VLDLR: variants seen among roughly 807,000 people sequenced by gnomAD.
VLDLR encodes the protein very low density lipoprotein receptor, also known as very low-density lipoprotein receptor.
Under a neutral mutation model 112.7 loss-of-function variants are expected in VLDLR, and 81 were observed. The observed-to-expected ratio is 0.72, with a 90% confidence interval of 0.60 to 0.86. The LOEUF is 0.86. Ranked by LOEUF, VLDLR falls within the 40% of genes least tolerant of loss-of-function variation. VLDLR has a pLI of 0.00. For synonymous variants in VLDLR, 436 were observed against 384.8 expected, an observed-to-expected ratio of 1.13 and a Z score of -1.56; for missense variants, 1,237 against 1,099.4, an observed-to-expected ratio of 1.13 and a Z score of -1.77.
At chr9:2,630,600 T>C (rs771825340) in intron 1 of VLDLR, among the ~76,000 whole-genome samples, 12 of 152,164 alleles carry the variant, frequency 7.9e-5, no homozygotes, top group Non-Finnish European at 1.3e-4. Context: ...ATAGGGAGAT[T>C]TGTAGTCCGT....
At chr9:2,644,325 A>ATT (rs374242751) in intron 7 of VLDLR, among the ~76,000 whole-genome samples, 4,739 of 122,934 alleles carry the variant, frequency 0.039, 155 homozygotes, top group East Asian at 0.075. Flanking sequence ...CGCCCGGCTA[A>ATT]TTTTTTTTTT....
At chr9:2,648,633 C>T (rs1481433747) in intron 13 of VLDLR, 36 bp from the exon 14 acceptor site, 1 of 1,614,122 alleles carries the variant, frequency 6.2e-7, no homozygotes, top group Non-Finnish European at 8.5e-7. Flanking sequence ...TGTGTTAATC[C>T]TGGATGTACA....
intron 17 of VLDLR, 107 bp downstream of exon 17, chr9:2,652,061 C>A: frequency 1.0e-6 from 1 of 986,776 alleles, no homozygotes; most frequent in Non-Finnish European, 1.6e-6. Flanking sequence ...TGCTGTCTAG[C>A]ATTTATGACA....
At position 2,622,282 on chromosome 9, in the gene VLDLR, A is replaced by C; in HGVS notation, c.82+11A>C. On this transcript the variant is annotated intron_variant, in intron 1 of 18. Transcript: ENST00000382100. Reference sequence around the variant, plus strand: ...GCGCCACCGGAACCGGTGAGTGAGGACGCGCCCCTCCGCCGGCGGGCGGGA... The same window carrying C: ...GCGCCACCGGAACCGGTGAGTGAGGCCGCGCCCCTCCGCCGGCGGGCGGGA... The C allele has an allele frequency of 6.8e-7, 1 of 1,466,272 alleles. No individual in the cohort carries two copies. 90.8% of individuals were successfully genotyped at this position (1,466,272 alleles called of 1,614,324 possible).
At chr9:2,626,703 G>T (rs33955077) in intron 1 of VLDLR, among the ~76,000 whole-genome samples, 28,884 of 152,148 alleles carry the variant, frequency 0.19, 3,262 homozygotes, top group Middle Eastern at 0.27. Flanking sequence ...GCCATCTGGG[G>T]AGCCTTTATG....
Position 2,643,318 on chromosome 9 carries a change from T to A in VLDLR, c.607T>A (p.Ser203Thr). 6.2e-7 allele frequency: 1 copy of A among 1,613,862 alleles called. No individual in the cohort carries two copies. The highest frequency in any genetic ancestry group is 1.6e-4 in the Middle Eastern group (1 of 6,062). The change falls in exon 5 of 19, where the codon TCC becomes ACC. Residue 203 changes from serine (S) to threonine (T), a missense_variant. Transcript: ENST00000382100. The part of the protein sequence containing the change: ...CGAHEFQCST[S>T]SCIPISWVCD... The stretch of plus-strand genomic sequence containing the variant: ...CGCCCATGAGTTCCAGTGCAGCACC[T>A]CCTCCTGCATCCCCATCAGCTGGGT...
intron 4 of VLDLR, among the ~76,000 whole-genome samples, chr9:2,641,760 G>T (rs1817838316): frequency 6.6e-6 from 1 of 152,168 alleles, no homozygotes; most frequent in Non-Finnish European, 1.5e-5. Flanking sequence ...ATATATAGAA[G>T]TAGCTCAGGG....
chr9:2,631,594 T>C (rs986138942), intron 1 of VLDLR, among the ~76,000 whole-genome samples: 2 of 152,048 alleles, frequency 1.3e-5, no homozygotes, highest in African/African-American at 4.8e-5. Flanking sequence ...TTCTCAATCG[T>C]ATGTGGAAGC....
chr9:2,646,715 C>T (rs936295471), intron 11 of VLDLR, among the ~76,000 whole-genome samples, 163 bp downstream of exon 11: 3 of 152,218 alleles, frequency 2.0e-5, no homozygotes, highest in African/African-American at 7.2e-5. Context: ...GGTGAGTGAC[C>T]CTGGGATGTC....
In VLDLR at chr9:2,639,841, T is replaced by C; in HGVS notation, c.203-18T>C. On this transcript the variant is annotated intron_variant, in intron 2 of 18. Coordinates refer to ENST00000382100, the MANE Select transcript of VLDLR (RefSeq NM_003383.5). ...GGTAAATGACTTCAACTTTAACCCT[T>C]CAAATAAACGTTTGTAGTAAAGAAG... 6.2e-7 allele frequency: 1 copy of C among 1,614,120 alleles called. No homozygotes were observed. Among genetic ancestry groups the C allele is most frequent in the Non-Finnish European group, 8.5e-7 (1 of 1,180,010 alleles).
At chr9:2,650,880 C>T (rs564771515) in intron 15 of VLDLR, among the ~76,000 whole-genome samples, 1 of 152,272 alleles carries the variant, frequency 6.6e-6, no homozygotes, top group African/African-American at 2.4e-5. Flanking sequence ...ACCTCATTGC[C>T]TCAGTGGGTG....
intron 16 of VLDLR, 133 bp downstream of exon 16, chr9:2,651,631 G>A: frequency 1.1e-6 from 1 of 942,212 alleles, no homozygotes; most frequent in Non-Finnish European, 1.6e-6. Flanking sequence ...AAACACCAAA[G>A]ACTTAAAACT....
chr9:2,659,196 G>A lies in VLDLR; in HGVS notation c.*5328G>A, dbSNP rs1454804532. ...TCTCCATTTTACATAGGTAAAAACTGAGGCTACAAACAATCTATGGTTCCA... is the reference window on the plus strand; with the variant it reads ...TCTCCATTTTACATAGGTAAAAACTAAGGCTACAAACAATCTATGGTTCCA... On this transcript the variant is annotated 3_prime_UTR_variant, in exon 19 of 19. Coordinates refer to ENST00000382100, the MANE Select transcript of VLDLR (RefSeq NM_003383.5). 1.3e-5 allele frequency: 2 copies of A among 152,182 alleles called. No homozygotes were observed. The highest frequency in any genetic ancestry group is 2.1e-4 in the South Asian group (1 of 4,828). The allele number at this position is 152,182 out of a possible 1,614,324, so 9.4% of individuals were successfully genotyped here. A position where few individuals can be genotyped will look rare whatever the true frequency, so the allele number is the denominator to read the frequency against.
rs1298198698 is a variant in VLDLR at position 2,652,853 on chromosome 9, G to T, written c.2490G>T (p.Met830Ile). 1 of 1,614,074 alleles carries T rather than the reference G, an allele frequency of 6.2e-7. No individual in the cohort carries two copies. The highest frequency in any genetic ancestry group is 1.1e-5 in the South Asian group (1 of 91,078). The change falls in exon 18 of 19, where the codon ATG becomes ATT. Residue 830 changes from methionine (M) to isoleucine (I), a missense_variant. Met to Ile is a conservative substitution (Grantham distance 10, BLOSUM62 1). Coordinates refer to ENST00000382100, the MANE Select transcript of VLDLR (RefSeq NM_003383.5). ...RNWQHKNMKS[M>I]NFDNPVYLKT... ...GGCAACACAAGAACATGAAAAGCAT[G>T]AACTTTGACAATCCTGTGTACTTGA...
At position 2,650,429 on chromosome 9, in the gene VLDLR, G is replaced by C. The variant is rs1818270806; in HGVS notation, c.2164G>C (p.Ala722Pro). Residue 722 changes from alanine (A) to proline (P), a missense_variant, in exon 15 of 19, where the codon GCA (alanine) becomes CCA (proline). Coordinates refer to ENST00000382100, the MANE Select transcript of VLDLR (RefSeq NM_003383.5). ...AGGATGTGAATACCTATGCCTGCCA[G>C]CACCACAGATTAATGATCACTCTCC... ...NGGCEYLCLP[A>P]PQINDHSPKY... 6.2e-7 allele frequency: 1 copy of C among 1,614,098 alleles called. No individual in the cohort carries two copies. Among genetic ancestry groups the C allele is most frequent in the East Asian group, 2.2e-5 (1 of 44,878 alleles).
chr9:2,653,861 T>C lies in VLDLR; in HGVS notation c.2615T>C (p.Leu872Pro). 2 of 1,613,970 alleles carry C rather than the reference T, an allele frequency of 1.2e-6. No homozygotes were observed. Among genetic ancestry groups the C allele is most frequent in the Non-Finnish European group, 1.7e-6 (2 of 1,179,856 alleles). Residue 872 changes from leucine (L) to proline (P), a missense_variant, in exon 19 of 19, where the codon CTA (leucine) becomes CCA (proline). Leu to Pro is a moderately conservative substitution (Grantham distance 98). Transcript: ENST00000382100. ...AISVVSTDDD[L>P]A is the part of the protein sequence containing the mutation. ...TCAGTTGTAAGCACAGATGATGATC[T>C]AGCTTGACTTCTGTGACAAATGTTG...
rs1258054088 is a variant in VLDLR at position 2,633,049 on chromosome 9, A to AGTGTGTGTGTGTGT, written c.83-2403_83-2402insTGTGTGTGTGTGTG. On this transcript the variant is annotated intron_variant, in intron 1 of 18. Transcript: ENST00000382100. ...CCTTATTGGAGAGAGAGAGAGAGAG[A>AGTGTGTGTGTGTGT]GAGTGTGTGTGTGTGTGTGTGTGTG... Among the ~76,000 whole-genome samples, 210 of 107,060 alleles carry AGTGTGTGTGTGTGT rather than the reference A, an allele frequency of 2.0e-3. 1 individual carries two copies. The highest frequency in any genetic ancestry group is 6.9e-3 in the African/African-American group (196 of 28,518). 70.2% of individuals were successfully genotyped at this position (107,060 alleles called of 152,430 possible).
chr9:2,631,078 A>C (rs1817330097), intron 1 of VLDLR, among the ~76,000 whole-genome samples: 1 of 152,224 alleles, frequency 6.6e-6, no homozygotes, highest in African/African-American at 2.4e-5. Flanking sequence ...TACCATTACT[A>C]ATCATTAGAG....
At chr9:2,634,958 C>A (rs1457355659) in intron 1 of VLDLR, among the ~76,000 whole-genome samples, 1 of 152,194 alleles carries the variant, frequency 6.6e-6, no homozygotes, top group Admixed American at 6.5e-5. Context: ...TATAGCCACA[C>A]ACGTAGTTTC....
Sources: allele counts gnomAD v4.1 joint callset (sites outside exome capture counted in the v4.1 genomes callset), GRCh38; gene constraint gnomAD v4.1.1; transcripts MANE v1.5; gene names NCBI Gene and HGNC (gene_info 2026-07-23, HGNC 2026-07-21).